Variants in EVC observed in about 807,000 individuals in gnomAD.
The protein encoded by EVC is evC complex member EVC.
A neutral mutation model predicts 118.9 loss-of-function variants in EVC; 116 were observed. That is an observed-to-expected ratio of 0.98 (90% CI 0.84 to 1.14). EVC has a LOEUF of 1.14. EVC is among the 50% of genes most tolerant of loss of function. The pLI, the probability that EVC is intolerant of heterozygous loss-of-function variation, is 0.00. For synonymous variants in EVC, 619 were observed against 534.7 expected (o/e 1.16, Z -2.18); for missense variants, 1,401 against 1,246.4 (o/e 1.12, Z -1.87).
rs937783118 is a variant in EVC at position 5,793,591 on chromosome 4, C to T, written c.1777-17C>T. The stretch of plus-strand genomic sequence containing the variant: ...GAGTAACCACATGCCTGCTCTGTCC[C>T]TCTGTCCCGAGTTCAGGTGTGGATG... On this transcript the variant is annotated splice_polypyrimidine_tract_variant and intron_variant, in intron 12 of 20. Coordinates refer to ENST00000264956, the MANE Select transcript of EVC (RefSeq NM_153717.3). 1 of 1,548,108 alleles carries T rather than the reference C, an allele frequency of 6.5e-7. No individual in the cohort carries two copies. The highest frequency in any genetic ancestry group is 2.4e-5 in the East Asian group (1 of 40,908).
At chr4:5,822,420 C>T in the EVC span, among the ~76,000 whole-genome samples, 1 of 150,308 alleles carries the variant, frequency 6.7e-6, no homozygotes, top group Non-Finnish European at 1.5e-5. Flanking sequence ...TATGCATGTG[C>T]ATATGTGTGT....
chr4:5,784,440 C>G (rs1263304351), intron 12 of EVC, among the ~76,000 whole-genome samples: 1 of 152,064 alleles, frequency 6.6e-6, no homozygotes, highest in Non-Finnish European at 1.5e-5. Flanking sequence ...TCCCCTATAG[C>G]CTCTAGAAAA....
chr4:5,807,572 G>A (rs1354520061), intron 17 of EVC, among the ~76,000 whole-genome samples: 2 of 152,198 alleles, frequency 1.3e-5, no homozygotes, highest in Non-Finnish European at 2.9e-5. Flanking sequence ...GCTTAGGAAC[G>A]GAGGGCATCC....
intron 19 of EVC, 152 bp downstream of exon 19, chr4:5,809,763 C>T (rs759384280): frequency 1.7e-5 from 13 of 747,456 alleles, no homozygotes; most frequent in Non-Finnish European, 3.0e-5. Flanking sequence ...AATGAGCAGG[C>T]TTGGCTAGGC....
intron 12 of EVC, among the ~76,000 whole-genome samples, chr4:5,785,885 A>G (rs1736342428): frequency 6.6e-6 from 1 of 152,188 alleles, no homozygotes; most frequent in Admixed American, 6.5e-5. Flanking sequence ...AGACCAATTC[A>G]TTTACAGTCT....
At chr4:5,744,895 G>T (rs1729122323) in intron 6 of EVC, among the ~76,000 whole-genome samples, 1 of 151,658 alleles carries the variant, frequency 6.6e-6, no homozygotes, top group Non-Finnish European at 1.5e-5. Flanking sequence ...CAACCCACTG[G>T]ATGTCATGAT....
At chr4:5,735,046 G>A (rs916066641) in intron 5 of EVC, among the ~76,000 whole-genome samples, 12 of 152,244 alleles carry the variant, frequency 7.9e-5, no homozygotes, top group Middle Eastern at 3.2e-3. Context: ...CCTGGAGGGA[G>A]CGTTCAGCAT....
chr4:5,793,680 C>T lies in EVC; in HGVS notation c.1849C>T (p.Arg617Cys), dbSNP rs747207963. The T allele has an allele frequency of 3.2e-6, 5 of 1,552,050 alleles. No homozygotes were observed. Among genetic ancestry groups the T allele is most frequent in the African/African-American group, 2.7e-5 (2 of 73,220 alleles). ...HLREDHEGTI[R>C]GVLGRLGGLT... ...GCGGGAGGACCACGAGGGCACCATC[C>T]GCGGCGTCTTGGGCCGACTGGGCGG... Residue 617 changes from arginine to cysteine, a missense_variant, in exon 13 of 21, where the codon CGC becomes TGC. Physicochemically the swap from Arg to Cys is radical, Grantham distance 180 (BLOSUM62 -3). Transcript: ENST00000264956.
chr4:5,768,865 A>G (rs922206186), intron 11 of EVC, among the ~76,000 whole-genome samples: 4 of 151,944 alleles, frequency 2.6e-5, no homozygotes, highest in East Asian at 1.9e-4. Flanking sequence ...CAAAAAAAAA[A>G]AGAAATATTC....
Position 5,731,595 on chromosome 4 carries a change from C to T in EVC, c.555C>T (p.Asp185=), listed in dbSNP as rs1214689145. The T allele has an allele frequency of 6.2e-7, 1 of 1,614,028 alleles. No homozygotes were observed. The highest frequency in any genetic ancestry group is 2.2e-5 in the East Asian group (1 of 44,880). The change falls in exon 4 of 21, where the codon GAC becomes GAT. Residue 185 remains aspartate (D), a synonymous_variant. Coordinates refer to ENST00000264956, the MANE Select transcript of EVC (RefSeq NM_153717.3). The surrounding 1 kb of genome is among the most constrained non-coding windows in gnomAD (Gnocchi z 5.6). ...SSSVHSATSD[D]RFLSRTFLRV... is the part of the protein sequence containing the mutation. ...GCGTCCACTCGGCCACCAGCGATGA[C>T]AGGTTTCTCAGCCGCACCTTCCTCC... is the stretch of plus-strand genomic sequence containing the variant.
At position 5,749,199 on chromosome 4, in the gene EVC, A is replaced by G. The variant is rs1252149712; in HGVS notation, c.1098+893A>G. ...CATTGTGGGTTTTAAAACTCCCTGAACTATTCTGACGGGAGGCCAGGGATA... is the reference window on the plus strand; with the variant it reads ...CATTGTGGGTTTTAAAACTCCCTGAGCTATTCTGACGGGAGGCCAGGGATA... On this transcript the variant is annotated intron_variant, in intron 8 of 20. Coordinates refer to ENST00000264956, the MANE Select transcript of EVC (RefSeq NM_153717.3). This position sits in a 1 kb window ranked among gnomAD's most constrained non-coding sequence, Gnocchi z 4.4. Among the ~76,000 whole-genome samples the G allele has an allele frequency of 6.6e-6, 1 of 152,030 alleles. No individual in the cohort carries two copies. The highest frequency in any genetic ancestry group is 6.6e-5 in the Admixed American group (1 of 15,262).
At chr4:5,802,322 G>A (rs954888180) in intron 16 of EVC, among the ~76,000 whole-genome samples, 2 of 152,120 alleles carry the variant, frequency 1.3e-5, no homozygotes, top group Admixed American at 6.5e-5. Context: ...GTTTTAAGTC[G>A]GTCACTCAGG....
rs184182935 is a variant in EVC at position 5,759,366 on chromosome 4, C to T, written c.1563+3004C>T. The stretch of plus-strand genomic sequence containing the variant: ...AAGGACATGGTCACTTCCTTGACTA[C>T]CTATCCTGCCTTACGTGTGGGCTGT... On this transcript the variant is annotated intron_variant, in intron 11 of 20. Transcript: ENST00000264956. Among the ~76,000 whole-genome samples the T allele has an allele frequency of 3.3e-3, 501 of 152,280 alleles. 4 individuals carry two copies. Among genetic ancestry groups the T allele is most frequent in the Non-Finnish European group, 5.6e-3 (378 of 68,026 alleles).
chr4:5,808,608 A>T (rs1193312765), intron 18 of EVC, among the ~76,000 whole-genome samples: 1 of 152,210 alleles, frequency 6.6e-6, no homozygotes, highest in Non-Finnish European at 1.5e-5. Flanking sequence ...TATGGAGCTG[A>T]CAGAGAATTG....
Position 5,798,802 on chromosome 4 carries a change from G to C in EVC, c.2304+10G>C, listed in dbSNP as rs1384594274. On this transcript the variant is annotated intron_variant, in intron 15 of 20. Transcript: ENST00000264956. The surrounding 1 kb of genome is among the most constrained non-coding windows in gnomAD (Gnocchi z 4.1). ...CAGGGATGACTTCAAGGTATGCACT[G>C]ACCTCTGTCCCTGGGGACACCGAGG... The C allele has an allele frequency of 6.2e-7, 1 of 1,609,476 alleles. No homozygotes were observed. The highest frequency in any genetic ancestry group is 1.3e-5 in the African/African-American group (1 of 74,862).
At chr4:5,715,096 G>A (rs1218911448) in intron 1 of EVC, among the ~76,000 whole-genome samples, 1 of 152,094 alleles carries the variant, frequency 6.6e-6, no homozygotes, top group Non-Finnish European at 1.5e-5. Flanking sequence ...TCACAGGTGT[G>A]AGCCACCACA....
chr4:5,753,672 T>G (rs948692427), intron 9 of EVC, 113 bp from the exon 10 acceptor site: 1 of 1,393,418 alleles, frequency 7.2e-7, no homozygotes, highest in Non-Finnish European at 1.0e-6. Context: ...GGGCACCATC[T>G]CTGCAGCCGA....
At chr4:5,816,669 TCTCCCTTCCCTCC>T (rs934982576), downstream of EVC, among the ~76,000 whole-genome samples, 4 of 115,370 alleles carry the variant, frequency 3.5e-5, no homozygotes, top group African/African-American at 6.5e-5. Flanking sequence ...CCTTCCCCTC[TCTCCCTTCCCTCC>T]CTCCCTTCCC....
chr4:5,826,701 C>T, the EVC span: 1 of 152,236 alleles, frequency 6.6e-6, no homozygotes, highest in Non-Finnish European at 1.5e-5. Flanking sequence ...GTACAGGGTC[C>T]CAGCATGAGT....
Sources: gnomAD v4.1 joint callset for allele counts (sites outside exome capture counted in the v4.1 genomes callset) on GRCh38, gnomAD v4.1.1 for gene constraint, Gnocchi (gnomAD v3.1) non-coding constraint, MANE v1.5 for transcripts, NCBI Gene and HGNC (gene_info 2026-07-23, HGNC 2026-07-21) for gene names.